The following CHN1 variants were observed in gnomAD, a reference collection of about 807,000 sequenced individuals.
The protein encoded by CHN1 is N-chimaerin.
CHN1 carries 37 observed loss-of-function variants against 59.5 expected under a neutral mutation model. That is an observed-to-expected ratio of 0.62 (90% CI 0.48 to 0.82). The LOEUF (loss-of-function observed/expected upper bound fraction) is 0.82. Among genes scored for constraint, CHN1 ranks in the 40% least tolerant of loss-of-function variants. The pLI is 0.00. For missense variants in CHN1, 469 were observed against 571.0 expected, an observed-to-expected ratio of 0.82 and a Z score of 1.82; for synonymous variants, 206 against 200.4, an observed-to-expected ratio of 1.03 and a Z score of -0.24.
chr2:174,906,627 T>G (rs1276372993), intron 5 of CHN1, among the ~76,000 whole-genome samples: 2 of 151,646 alleles, frequency 1.3e-5, no homozygotes, highest in African/African-American at 4.9e-5. Flanking sequence ...AAGTAAGATA[T>G]GAGAACATGC....
At position 175,005,343 on chromosome 2, in the gene CHN1, G is replaced by A; in HGVS notation, c.-431C>T. 4 of 1,152,688 alleles carry A rather than the reference G, an allele frequency of 3.5e-6. No homozygotes were observed. The highest frequency in any genetic ancestry group is 3.7e-5 in the Admixed American group (1 of 27,362). The allele number at this position is 1,152,688 out of a possible 1,614,324, so 71.4% of individuals were successfully genotyped here. A position where few individuals can be genotyped will look rare whatever the true frequency, so the allele number is the denominator to read the frequency against. ...GCGGGGCGCGCTCACTCCGCATCCC[G>A]CGGCCTCGCAGACGCCATCTTGCGA... On this transcript the variant is annotated 5_prime_UTR_variant, in exon 1 of 13. Transcript: ENST00000409900.
At chr2:174,998,498 TG>T (rs1417205533) in intron 1 of CHN1, among the ~76,000 whole-genome samples, 8 of 152,104 alleles carry the variant, frequency 5.3e-5, no homozygotes. Context: ...TCCTTGTGCT[TG>T]CCTTACTCCA....
chr2:174,849,840 G>C (rs373965462), intron 6 of CHN1, among the ~76,000 whole-genome samples: 6 of 152,084 alleles, frequency 3.9e-5, no homozygotes, highest in Admixed American at 6.6e-5. Context: ...GCTAGTAGGT[G>C]GGGGGGCTGG....
At chr2:174,811,619 A>C (rs1204339438) in intron 9 of CHN1, 31 bp from the exon 10 acceptor site, 1 of 1,415,066 alleles carries the variant, frequency 7.1e-7, no homozygotes, top group South Asian at 1.3e-5. Flanking sequence ...GTTTCTTTGA[A>C]TTATGCCTTT....
chr2:174,846,356 G>GTGT lies in CHN1; in HGVS notation c.627+521_627+523dup, dbSNP rs1429580221. 19 of 1,549,358 alleles carry GTGT rather than the reference G, an allele frequency of 1.2e-5. 1 individual carries two copies. In the African/African-American group the frequency reaches 2.1e-4, roughly 17 times the overall value. ...CTCAAAAAGTGAGGAGAAGCTGCTA[G>GTGT]TGTCAGCAGCATCAACAGTCCCATG... On this transcript the variant is annotated intron_variant, in intron 7 of 12. Coordinates refer to ENST00000409900, the MANE Select transcript of CHN1 (RefSeq NM_001822.7).
At chr2:174,845,649 A>T (rs1686482504) in intron 7 of CHN1, among the ~76,000 whole-genome samples, 1 of 152,090 alleles carries the variant, frequency 6.6e-6, no homozygotes, top group South Asian at 2.1e-4. Flanking sequence ...TTTATTTTAA[A>T]ATATTAGCAA....
intron 6 of CHN1, among the ~76,000 whole-genome samples, chr2:174,860,057 G>A (rs1226993665): frequency 1.3e-5 from 2 of 152,080 alleles, no homozygotes; most frequent in East Asian, 3.8e-4. Context: ...ATATATCAGG[G>A]CTTCAAACAG....
At position 174,811,510 on chromosome 2, in the gene CHN1, C is replaced by A; in HGVS notation, c.964+1G>T. ...GTTATGGAACATTGTGAAAAACATA[C>A]CTCTGTCGAAAGCCATCTTGACATC... is the stretch of plus-strand genomic sequence containing the variant. On this transcript the variant is annotated splice_donor_variant, in intron 10 of 12. Transcript: ENST00000409900. LOFTEE classifies it high-confidence loss of function. The A allele has an allele frequency of 1.2e-6, 2 of 1,603,742 alleles. No homozygotes were observed. Among genetic ancestry groups the A allele is most frequent in the Non-Finnish European group, 1.7e-6 (2 of 1,171,828 alleles).
chr2:174,918,497 C>T lies in CHN1; in HGVS notation c.146+37G>A, dbSNP rs368064807. The T allele has an allele frequency of 4.0e-6, 6 of 1,509,342 alleles. No individual in the cohort carries two copies. The African/African-American group carries it at 6.9e-5, about 17-fold the overall frequency. 93.5% of individuals were successfully genotyped at this position (1,509,342 alleles called of 1,614,324 possible). On this transcript the variant is annotated intron_variant, in intron 4 of 12. Coordinates refer to ENST00000409900, the MANE Select transcript of CHN1 (RefSeq NM_001822.7). ...ATTTACCCTGTCTGTCTTACATATGCCAATCTATAAAACGTTTTCTAATAA... is the reference window on the plus strand; with the variant it reads ...ATTTACCCTGTCTGTCTTACATATGTCAATCTATAAAACGTTTTCTAATAA...
Position 174,871,305 on chromosome 2 carries a change from C to G in CHN1, c.549+6535G>C, listed in dbSNP as rs149956227. 4.4e-3 allele frequency among the ~76,000 whole-genome samples: 666 copies of G among 151,728 alleles called. 6 individuals carry two copies. The highest frequency in any genetic ancestry group is 0.015 in the African/African-American group (627 of 41,480). On this transcript the variant is annotated intron_variant, in intron 6 of 12. Coordinates refer to ENST00000409900, the MANE Select transcript of CHN1 (RefSeq NM_001822.7). Reference sequence around the variant, plus strand: ...TTTAACCATAGAATGAAGAATGACCCTCTCCACCTCCCAAGGATATTCTAA... The same window carrying G: ...TTTAACCATAGAATGAAGAATGACCGTCTCCACCTCCCAAGGATATTCTAA...
chr2:174,882,230 A>T (rs1251187280), intron 5 of CHN1, among the ~76,000 whole-genome samples: 1 of 152,206 alleles, frequency 6.6e-6, no homozygotes, highest in African/African-American at 2.4e-5. Context: ...AAAGGCTTTT[A>T]ACTGCTACTG....
At chr2:174,916,056 C>G (rs551984418) in intron 4 of CHN1, among the ~76,000 whole-genome samples, 10 of 152,282 alleles carry the variant, frequency 6.6e-5, no homozygotes, top group African/African-American at 2.4e-4. Flanking sequence ...CTCTGACTCT[C>G]CCTATCTACC....
At chr2:174,876,851 A>T (rs749256859) in intron 6 of CHN1, among the ~76,000 whole-genome samples, 5 of 152,074 alleles carry the variant, frequency 3.3e-5, no homozygotes, top group Non-Finnish European at 7.4e-5. Flanking sequence ...TTGCTATCTC[A>T]CTCACTCCTC....
chr2:174,811,489 TG>T, intron 10 of CHN1, 21 bp downstream of exon 10: 2 of 1,560,030 alleles, frequency 1.3e-6, no homozygotes, highest in Non-Finnish European at 1.8e-6. Context: ...TCCTAAGTTA[TG>T]GAACATTGTG....
At chr2:174,918,636 T>C (rs1412462740) in intron 3 of CHN1, 71 bp from the exon 4 acceptor site, 8 of 1,242,054 alleles carry the variant, frequency 6.4e-6, no homozygotes, top group Non-Finnish European at 7.9e-6. Context: ...CAACATTTTG[T>C]GCATGTGACA....
At chr2:174,932,128 C>T (rs931451318) in intron 3 of CHN1, among the ~76,000 whole-genome samples, 1 of 152,176 alleles carries the variant, frequency 6.6e-6, no homozygotes, top group Non-Finnish European at 1.5e-5. Context: ...TAAGAACTAG[C>T]TCAGTTACCC....
At chr2:174,984,112 C>CT in intron 1 of CHN1, among the ~76,000 whole-genome samples, 1 of 150,324 alleles carries the variant, frequency 6.7e-6, no homozygotes, top group South Asian at 2.1e-4. Flanking sequence ...AAAAAAATAA[C>CT]TAGAAATAGG....
In CHN1 at chr2:174,799,119, TTTC is replaced by T. The variant is rs1319462280; in HGVS notation, c.*994_*996del. Among the ~76,000 whole-genome samples, 7 of 152,256 alleles carry T rather than the reference TTTC, an allele frequency of 4.6e-5. No homozygotes were observed. Among genetic ancestry groups the T allele is most frequent in the African/African-American group, 1.7e-4 (7 of 41,468 alleles). ...GAAGTTACTCTTTTTAGTTAGCCTCTTTCTTCTTCTGAGAGCTCTGGTAGGAAC... is the reference window on the plus strand; with the variant it reads ...GAAGTTACTCTTTTTAGTTAGCCTCTTTCTTCTGAGAGCTCTGGTAGGAAC... On this transcript the variant is annotated 3_prime_UTR_variant, in exon 13 of 13. Coordinates refer to ENST00000409900, the MANE Select transcript of CHN1 (RefSeq NM_001822.7).
chr2:174,952,765 T>C (rs1023860009), intron 1 of CHN1, among the ~76,000 whole-genome samples: 1 of 152,144 alleles, frequency 6.6e-6, no homozygotes, highest in Non-Finnish European at 1.5e-5. Flanking sequence ...AACACTTCAA[T>C]GGAAGAGAGT....
Sources: gnomAD v4.1 joint callset for allele counts (sites outside exome capture counted in the v4.1 genomes callset) on GRCh38, gnomAD v4.1.1 for gene constraint, MANE v1.5 for transcripts, NCBI Gene and HGNC (gene_info 2026-07-23, HGNC 2026-07-21) for gene names.